The following ACMSD variants were observed in gnomAD, a reference collection of about 807,000 sequenced individuals.
The protein encoded by ACMSD is aminocarboxymuconate semialdehyde decarboxylase, also known as 2-amino-3-carboxymuconate-6-semialdehyde decarboxylase.
Under a neutral mutation model 45.9 loss-of-function variants are expected in ACMSD, and 37 were observed. The observed-to-expected ratio is 0.81, with a 90% CI of 0.62 to 1.06. The LOEUF is 1.06. Ranked by LOEUF, ACMSD falls within the 50% of genes least tolerant of loss-of-function variation. The pLI, the probability that ACMSD is intolerant of heterozygous loss-of-function variation, is 0.00. For synonymous variants in ACMSD, 138 were observed against 148.8 expected, an observed-to-expected ratio of 0.93 and a Z score of 0.53; for missense variants, 434 against 420.9, an observed-to-expected ratio of 1.03 and a Z score of -0.27.
At chr2:134,885,308 T>TATATATGTAA (rs1689301153) in intron 8 of ACMSD, among the ~76,000 whole-genome samples, 2 of 96,948 alleles carry the variant, frequency 2.1e-5, no homozygotes, top group East Asian at 5.2e-4. Context: ...TATATTTAAA[T>TATATATGTAA]ATATATATAT....
chr2:134,861,865 G>A (rs757039576), intron 3 of ACMSD, 104 bp from the exon 4 acceptor site: 23 of 1,203,342 alleles, frequency 1.9e-5, no homozygotes, highest in Middle Eastern at 1.9e-4. Context: ...GGGAGAGCAG[G>A]AGGAGTTTAG....
rs184439743 is a variant in ACMSD, at chr2:134,893,339, C to A, written c.850-5002C>A. Reference sequence around the variant, plus strand: ...TCAGCCTCCCAAGTAGCTAGGACTACAGGTGTGTGCCACCACACCAAGCTA... The same window carrying A: ...TCAGCCTCCCAAGTAGCTAGGACTAAAGGTGTGTGCCACCACACCAAGCTA... On this transcript the variant is annotated intron_variant, in intron 8 of 9. Transcript: ENST00000356140. Among the ~76,000 whole-genome samples the A allele has an allele frequency of 1.1e-3, 171 of 151,916 alleles. 5 individuals are homozygous for A. The Middle Eastern group carries it at 0.041, about 36-fold the overall frequency.
At chr2:134,862,900 A>G in intron 4 of ACMSD, 4 of 926,340 alleles carry the variant, frequency 4.3e-6, no homozygotes, top group Non-Finnish European at 5.2e-6. Flanking sequence ...TGCCAAGGAC[A>G]GCCCTGAATG....
At chr2:134,842,852 T>C (rs1559036406) in intron 1 of ACMSD, among the ~76,000 whole-genome samples, 1 of 152,208 alleles carries the variant, frequency 6.6e-6, no homozygotes. Context: ...ACTTGTCGCA[T>C]GTGGGAGGAT....
At chr2:134,846,929 G>C (rs1265019698) in intron 2 of ACMSD, among the ~76,000 whole-genome samples, 7 of 152,186 alleles carry the variant, frequency 4.6e-5, no homozygotes, top group Non-Finnish European at 8.8e-5. Flanking sequence ...CCTGGCAAAG[G>C]CTTCGAGGAT....
intron 8 of ACMSD, among the ~76,000 whole-genome samples, chr2:134,895,571 C>T (rs1323821324): frequency 1.3e-5 from 2 of 150,202 alleles, no homozygotes; most frequent in Non-Finnish European, 3.0e-5. Context: ...CATATGAAAA[C>T]GCAAGGGGGC....
Position 134,894,218 on chromosome 2 carries a change from T to G in ACMSD, c.850-4123T>G, listed in dbSNP as rs560802196. 3.9e-5 allele frequency among the ~76,000 whole-genome samples: 6 copies of G among 152,120 alleles called. No homozygotes were observed. The South Asian group carries it at 1.2e-3, about 32-fold the overall frequency. ...AAAATCAACAAAATCGGCAAACCTTTAGCTAGACTGACCAACAAAAATAAA... is the reference window on the plus strand; with the variant it reads ...AAAATCAACAAAATCGGCAAACCTTGAGCTAGACTGACCAACAAAAATAAA... On this transcript the variant is annotated intron_variant, in intron 8 of 9. Coordinates refer to ENST00000356140, the MANE Select transcript of ACMSD (RefSeq NM_138326.3).
chr2:134,846,638 C>T lies in ACMSD; in HGVS notation c.102+1361C>T, dbSNP rs563934407. Among the ~76,000 whole-genome samples, 36 of 152,208 alleles carry T rather than the reference C, an allele frequency of 2.4e-4. 1 individual carries two copies. In the South Asian group the frequency reaches 7.5e-3, roughly 32 times the overall value. On this transcript the variant is annotated intron_variant, in intron 2 of 9. Coordinates refer to ENST00000356140, the MANE Select transcript of ACMSD (RefSeq NM_138326.3). ...TCCAGGCTGACCTCGAACTCCTGGC[C>T]TCAAGTGGTCCTCCCACTTCAGCCT...
chr2:134,851,224 G>A (rs1443534244), intron 2 of ACMSD, among the ~76,000 whole-genome samples: 2 of 152,196 alleles, frequency 1.3e-5, no homozygotes, highest in Non-Finnish European at 2.9e-5. Flanking sequence ...TGGGCACCTA[G>A]GTTGATACCA....
intron 8 of ACMSD, among the ~76,000 whole-genome samples, chr2:134,885,332 AATATATATTTATATATAATATATATTTAC>A (rs1689315246): frequency 4.1e-5 from 4 of 98,506 alleles, no homozygotes; most frequent in Admixed American, 1.5e-4. Flanking sequence ...TATATATGTA[AATATATATTTATATATAATATATATTTAC>A]ATATATATTA....
intron 2 of ACMSD, among the ~76,000 whole-genome samples, chr2:134,859,045 A>G (rs1341571282): frequency 1.3e-5 from 2 of 150,434 alleles, no homozygotes; most frequent in South Asian, 2.2e-4. Flanking sequence ...GTGTCCAGCC[A>G]TTGACGCCCA....
Position 134,867,619 on chromosome 2 carries a change from G to A in ACMSD, c.527G>A (p.Trp176Ter). 1 of 1,613,952 alleles carries A rather than the reference G, an allele frequency of 6.2e-7. No homozygotes were observed. Among genetic ancestry groups the A allele is most frequent in the Non-Finnish European group, 8.5e-7 (1 of 1,179,926 alleles). The stretch of plus-strand genomic sequence containing the variant: ...AAGTGTTCCCTGTTCGTGCATCCCT[G>A]GGACATGCAGATGGATGGACGAATG... ...RLKCSLFVHP[W>*]DMQMDGRMAK... Residue 176 changes from tryptophan (W) to a stop codon, truncating the protein, a stop_gained, in exon 6 of 10, where the codon TGG becomes TAG. Transcript: ENST00000356140. LOFTEE classifies it high-confidence loss of function.
intron 1 of ACMSD, among the ~76,000 whole-genome samples, chr2:134,841,230 C>A (rs1686790172): frequency 2.0e-5 from 3 of 152,138 alleles, no homozygotes; most frequent in Admixed American, 1.3e-4. Flanking sequence ...AGATGAGATG[C>A]TTGAGACTCA....
intron 8 of ACMSD, among the ~76,000 whole-genome samples, chr2:134,896,127 C>A (rs968892905): frequency 1.3e-5 from 2 of 152,130 alleles, no homozygotes; most frequent in African/African-American, 4.8e-5. Flanking sequence ...AAGTTGGACT[C>A]CTTCTTTACA....
At chr2:134,841,471 CTAA>C (rs1686803448) in intron 1 of ACMSD, among the ~76,000 whole-genome samples, 1 of 151,978 alleles carries the variant, frequency 6.6e-6, no homozygotes, top group South Asian at 2.1e-4. Context: ...TTTTCGCTTG[CTAA>C]TAATAATTTT....
intron 1 of ACMSD, among the ~76,000 whole-genome samples, chr2:134,843,657 T>G (rs1319359984): frequency 6.6e-6 from 1 of 152,148 alleles, no homozygotes; most frequent in Non-Finnish European, 1.5e-5. Context: ...AGAGGTTGAG[T>G]TGATGTTCAG....
intron 9 of ACMSD, among the ~76,000 whole-genome samples, chr2:134,901,473 G>GT (rs1320586238): frequency 1.3e-5 from 2 of 152,140 alleles, no homozygotes; most frequent in African/African-American, 4.8e-5. Flanking sequence ...AGACCTAACT[G>GT]TACCTTTTCT....
intron 2 of ACMSD, among the ~76,000 whole-genome samples, chr2:134,848,576 C>A (rs1687188550): frequency 6.6e-6 from 1 of 152,166 alleles, no homozygotes; most frequent in African/African-American, 2.4e-5. Flanking sequence ...TAAATGTCTT[C>A]TTTTGAGAAG....
intron 6 of ACMSD, among the ~76,000 whole-genome samples, chr2:134,869,860 G>A (rs1363589677): frequency 6.6e-6 from 1 of 152,184 alleles, no homozygotes; most frequent in Non-Finnish European, 1.5e-5. Context: ...GCTATATGGA[G>A]AATGGATTGT....
Sources: allele counts gnomAD v4.1 joint callset (sites outside exome capture counted in the v4.1 genomes callset), GRCh38; gene constraint gnomAD v4.1.1; transcripts MANE v1.5; gene names NCBI Gene and HGNC (gene_info 2026-07-23, HGNC 2026-07-21).